The following EYA4 variants were observed in gnomAD, a reference collection of about 807,000 sequenced individuals.
EYA4 encodes the protein EYA transcriptional coactivator and phosphatase 4.
EYA4 carries 31 observed loss-of-function variants against 87.9 expected under a neutral mutation model. That is an observed-to-expected ratio of 0.35 (90% CI 0.27 to 0.48). The LOEUF (loss-of-function observed/expected upper bound fraction) is 0.48. Among genes scored for constraint, EYA4 ranks in the 20% least tolerant of loss-of-function variants. The pLI is 0.99. For synonymous variants in EYA4, 263 were observed against 270.6 expected, an observed-to-expected ratio of 0.97 and a Z score of 0.28; for missense variants, 678 against 761.4, an observed-to-expected ratio of 0.89 and a Z score of 1.29.
rs1225073220 is a variant in EYA4, at chr6:133,531,259, G to C, written c.*2454G>C. The C allele has an allele frequency of 6.7e-7, 1 of 1,496,686 alleles. No individual in the cohort carries two copies. Among genetic ancestry groups the C allele is most frequent in the Non-Finnish European group, 9.0e-7 (1 of 1,112,220 alleles). The allele number at this position is 1,496,686 out of a possible 1,614,324, so 92.7% of individuals were successfully genotyped here. A position where few individuals can be genotyped will look rare whatever the true frequency, so the allele number is the denominator to read the frequency against. On this transcript the variant is annotated 3_prime_UTR_variant, in exon 20 of 20. Coordinates refer to ENST00000355286, the MANE Select transcript of EYA4 (RefSeq NM_004100.5). ...ATGCAAGGTTGACGGAGAACAGCTT[G>C]TCTGGCACAACAATGGTGCAGGCCC...
intron 2 of EYA4, among the ~76,000 whole-genome samples, chr6:133,379,905 T>G (rs1786037110): frequency 6.6e-6 from 1 of 152,164 alleles, no homozygotes; most frequent in South Asian, 2.1e-4. Context: ...TTTACAACCT[T>G]TCAATGGTCT....
intron 2 of EYA4, among the ~76,000 whole-genome samples, chr6:133,312,913 A>T (rs1319356435): frequency 6.6e-6 from 1 of 151,776 alleles, no homozygotes; most frequent in Non-Finnish European, 1.5e-5. Flanking sequence ...TCCCTGTAGC[A>T]CTGAGCCTAA....
At chr6:133,525,086 G>A (rs1456543497) in intron 18 of EYA4, 68 bp from the exon 19 acceptor site, 6 of 1,613,500 alleles carry the variant, frequency 3.7e-6, no homozygotes, top group Non-Finnish European at 5.1e-6. Context: ...GATTGGAGAT[G>A]GCCGAGATGA....
At chr6:133,435,813 A>G (rs920837978) in intron 3 of EYA4, among the ~76,000 whole-genome samples, 1 of 151,530 alleles carries the variant, frequency 6.6e-6, no homozygotes, top group Non-Finnish European at 1.5e-5. Flanking sequence ...TTCCTCTTTG[A>G]CTCTAAAGTG....
In EYA4 at chr6:133,530,941, A is replaced by C; in HGVS notation, c.*2136A>C. On this transcript the variant is annotated 3_prime_UTR_variant, in exon 20 of 20. Coordinates refer to ENST00000355286, the MANE Select transcript of EYA4 (RefSeq NM_004100.5). Reference sequence around the variant, plus strand: ...TTGCCTTGATTATCAGTACTTAATTATGTTGTGCACTAAAACCTTAAATAT... The same window carrying C: ...TTGCCTTGATTATCAGTACTTAATTCTGTTGTGCACTAAAACCTTAAATAT... 8.4e-7 allele frequency: 1 copy of C among 1,195,390 alleles called. No homozygotes were observed. Among genetic ancestry groups the C allele is most frequent in the Non-Finnish European group, 1.0e-6 (1 of 962,214 alleles). 74.0% of individuals were successfully genotyped at this position (1,195,390 alleles called of 1,614,324 possible).
At chr6:133,404,063 C>T (rs1229855002) in intron 3 of EYA4, among the ~76,000 whole-genome samples, 1 of 152,190 alleles carries the variant, frequency 6.6e-6, no homozygotes, top group Non-Finnish European at 1.5e-5. Context: ...ATCCACCCGC[C>T]TCAGCCTCCC....
intron 19 of EYA4, among the ~76,000 whole-genome samples, chr6:133,528,199 A>G (rs1338358036): frequency 6.6e-6 from 1 of 152,238 alleles, no homozygotes; most frequent in East Asian, 1.9e-4. Flanking sequence ...CAAGTAAGAA[A>G]GTTATAATCC....
chr6:133,503,504 G>GTCT, intron 13 of EYA4, among the ~76,000 whole-genome samples: 1 of 152,304 alleles, frequency 6.6e-6, no homozygotes, highest in East Asian at 1.9e-4. Flanking sequence ...AAACATAACA[G>GTCT]ACTAGTGTGG....
chr6:133,485,635 A>G (rs1796624737), intron 13 of EYA4, among the ~76,000 whole-genome samples: 1 of 152,214 alleles, frequency 6.6e-6, no homozygotes, highest in Non-Finnish European at 1.5e-5. Context: ...ACAGGAGTAA[A>G]GACAATTAGT....
chr6:133,481,951 G>A (rs1796252446), intron 12 of EYA4, among the ~76,000 whole-genome samples: 1 of 152,168 alleles, frequency 6.6e-6, no homozygotes, highest in Non-Finnish European at 1.5e-5. Context: ...CTAAAGTAAT[G>A]GAAGATGTCC....
chr6:133,473,930 T>G (rs1397608939), intron 11 of EYA4, among the ~76,000 whole-genome samples: 2 of 151,964 alleles, frequency 1.3e-5, no homozygotes, highest in Non-Finnish European at 2.9e-5. Context: ...ATGATCCTCT[T>G]TGGGTCAATA....
At chr6:133,385,949 A>AT (rs1359452198) in intron 3 of EYA4, among the ~76,000 whole-genome samples, 2 of 152,102 alleles carry the variant, frequency 1.3e-5, no homozygotes, top group African/African-American at 4.8e-5. Flanking sequence ...CAGGAATAGT[A>AT]TTTTTTCCCT....
intron 13 of EYA4, among the ~76,000 whole-genome samples, chr6:133,497,490 T>C (rs1330031989): frequency 6.6e-6 from 1 of 152,106 alleles, no homozygotes; most frequent in Admixed American, 6.6e-5. Flanking sequence ...CGATGGTGAA[T>C]GAGGAACCTT....
intron 2 of EYA4, among the ~76,000 whole-genome samples, chr6:133,355,209 A>G (rs947319678): frequency 2.0e-5 from 3 of 152,056 alleles, no homozygotes; most frequent in Non-Finnish European, 2.9e-5. Context: ...CCTAGTACCC[A>G]TTAGTTATTT....
intron 2 of EYA4, among the ~76,000 whole-genome samples, chr6:133,313,062 T>G (rs17301712): frequency 0.43 from 65,807 of 152,004 alleles, 15,011 homozygotes; most frequent in Non-Finnish European, 0.52. Flanking sequence ...GCAGGTTCTC[T>G]TATTTAAAAC....
intron 3 of EYA4, among the ~76,000 whole-genome samples, chr6:133,411,221 T>C (rs1376252169): frequency 6.6e-6 from 1 of 152,168 alleles, no homozygotes; most frequent in Admixed American, 6.5e-5. Context: ...CACTCTATTC[T>C]CTGTAAGACA....
intron 2 of EYA4, among the ~76,000 whole-genome samples, chr6:133,357,684 G>A (rs1562326163): frequency 6.6e-6 from 1 of 152,064 alleles, no homozygotes; most frequent in Non-Finnish European, 1.5e-5. Flanking sequence ...AGAAACAGCT[G>A]TCTTACTAAT....
At chr6:133,507,710 A>AT (rs1285735502) in intron 14 of EYA4, among the ~76,000 whole-genome samples, 1 of 152,104 alleles carries the variant, frequency 6.6e-6, no homozygotes, top group Non-Finnish European at 1.5e-5. Context: ...TGAACTCATC[A>AT]TTTTTTATGG....
At chr6:133,290,335 T>G (rs1778388899) in intron 2 of EYA4, among the ~76,000 whole-genome samples, 1 of 152,168 alleles carries the variant, frequency 6.6e-6, no homozygotes, top group Non-Finnish European at 1.5e-5. Context: ...GACTTGTGCC[T>G]TCATCAAAAA....
Sources: allele counts gnomAD v4.1 joint callset (sites outside exome capture counted in the v4.1 genomes callset), GRCh38; gene constraint gnomAD v4.1.1; transcripts MANE v1.5; gene names NCBI Gene and HGNC (gene_info 2026-07-23, HGNC 2026-07-21).